CDH12: variants seen among roughly 807,000 people sequenced by gnomAD.
CDH12 encodes cadherin-12.
In CDH12, 41 loss-of-function variants were observed where a neutral mutation model predicts 74.1. The ratio of observed to expected loss-of-function variants is 0.55; its 90% CI spans 0.43 to 0.72. The LOEUF (loss-of-function observed/expected upper bound fraction) is 0.72. CDH12 is among the 30% of genes least tolerant of loss of function. The pLI is 0.00. For synonymous variants in CDH12, 399 were observed against 355.0 expected, an observed-to-expected ratio of 1.12 and a Z score of -1.39; for missense variants, 945 against 977.2, an observed-to-expected ratio of 0.97 and a Z score of 0.44.
At chr5:22,519,579 A>C (rs1268630707) in intron 1 of CDH12, among the ~76,000 whole-genome samples, 3 of 151,804 alleles carry the variant, frequency 2.0e-5, no homozygotes, top group African/African-American at 7.3e-5. Context: ...GCCCGTCACC[A>C]CACCCGGCTA....
In CDH12 at chr5:22,519,934, G is replaced by C. The variant is rs531906844; in HGVS notation, c.-522-14570C>G. Among the ~76,000 whole-genome samples, 12 of 152,230 alleles carry C rather than the reference G, an allele frequency of 7.9e-5. No homozygotes were observed. The East Asian group carries it at 2.1e-3, about 27-fold the overall frequency. On this transcript the variant is annotated intron_variant, in intron 1 of 14. Transcript: ENST00000382254. ...GCACCCTGTGTATATTGTAGAGGTA[G>C]CATATTCGTTCTTATAAAATAATAG...
intron 1 of CDH12, among the ~76,000 whole-genome samples, chr5:22,839,975 A>C (rs910070946): frequency 1.3e-5 from 2 of 152,232 alleles, no homozygotes; most frequent in Non-Finnish European, 2.9e-5. Context: ...GATTGAAACC[A>C]CAAAATTAGT....
intron 3 of CDH12, among the ~76,000 whole-genome samples, chr5:22,292,213 A>G (rs979396265): frequency 6.6e-6 from 1 of 152,178 alleles, no homozygotes; most frequent in African/African-American, 2.4e-5. Flanking sequence ...CAGGGATTAA[A>G]GAATTAATTA....
intron 2 of CDH12, among the ~76,000 whole-genome samples, chr5:22,438,024 T>G (rs1162273419): frequency 6.6e-6 from 1 of 152,062 alleles, no homozygotes; most frequent in Non-Finnish European, 1.5e-5. Flanking sequence ...CATAATTTTT[T>G]TAGGGAAGCA....
chr5:22,822,300 A>G (rs1749745267), intron 1 of CDH12, among the ~76,000 whole-genome samples: 3 of 152,208 alleles, frequency 2.0e-5, no homozygotes, highest in African/African-American at 7.2e-5. Flanking sequence ...CCTAGGCAAT[A>G]CCATTCAGGA....
At chr5:21,782,885 C>T (rs1745991181) in intron 11 of CDH12, among the ~76,000 whole-genome samples, 1 of 151,994 alleles carries the variant, frequency 6.6e-6, no homozygotes, top group African/African-American at 2.4e-5. Context: ...CTGTATATTC[C>T]ATAGTGATAG....
At chr5:21,854,011 T>A (rs1355340714) in intron 7 of CDH12, among the ~76,000 whole-genome samples, 1 of 151,714 alleles carries the variant, frequency 6.6e-6, no homozygotes, top group East Asian at 1.9e-4. Context: ...AGATATTGAT[T>A]GTTTAGAAAT....
chr5:22,703,397 C>G (rs1257242512), intron 1 of CDH12, among the ~76,000 whole-genome samples: 3 of 152,248 alleles, frequency 2.0e-5, no homozygotes, highest in South Asian at 2.1e-4. Context: ...CCTACACCAT[C>G]TGTATGACAT....
intron 2 of CDH12, among the ~76,000 whole-genome samples, chr5:22,469,554 TC>T (rs1745873071): frequency 1.3e-5 from 2 of 152,228 alleles, no homozygotes; most frequent in African/African-American, 4.8e-5. Flanking sequence ...TTAACTTGAC[TC>T]CTTTGCTCAA....
intron 6 of CDH12, among the ~76,000 whole-genome samples, chr5:21,872,727 A>G (rs1041618277): frequency 1.3e-5 from 2 of 152,134 alleles, no homozygotes; most frequent in African/African-American, 2.4e-5. Context: ...TACACCCTAC[A>G]TACCTAACAT....
intron 6 of CDH12, among the ~76,000 whole-genome samples, chr5:21,918,493 A>C (rs1394563632): frequency 6.6e-6 from 1 of 152,078 alleles, no homozygotes; most frequent in Non-Finnish European, 1.5e-5. Flanking sequence ...ACAGTTCAGC[A>C]CAGTTGGGGA....
chr5:21,859,332 T>C (rs1214319190), intron 6 of CDH12, among the ~76,000 whole-genome samples: 1 of 151,672 alleles, frequency 6.6e-6, no homozygotes, highest in Non-Finnish European at 1.5e-5. Flanking sequence ...GAAGAAGAAG[T>C]GTCAAGCAAA....
At chr5:22,066,751 G>C (rs1242231993) in intron 5 of CDH12, among the ~76,000 whole-genome samples, 1 of 152,168 alleles carries the variant, frequency 6.6e-6, no homozygotes, top group Admixed American at 6.5e-5. Flanking sequence ...GCTGAGATTA[G>C]TGCCATCACC....
intron 4 of CDH12, among the ~76,000 whole-genome samples, chr5:22,094,854 C>T (rs946115800): frequency 1.3e-5 from 2 of 152,156 alleles, no homozygotes; most frequent in Admixed American, 6.5e-5. Context: ...TACTGAGCAC[C>T]TTGTGACCCC....
At chr5:22,239,851 T>C (rs1003039651) in intron 3 of CDH12, among the ~76,000 whole-genome samples, 8 of 152,226 alleles carry the variant, frequency 5.3e-5, no homozygotes, top group African/African-American at 1.9e-4. Context: ...TCCTTTTTAT[T>C]AACCTTTTTA....
At chr5:22,332,666 G>C (rs1739398950) in intron 3 of CDH12, among the ~76,000 whole-genome samples, 2 of 152,090 alleles carry the variant, frequency 1.3e-5, no homozygotes, top group South Asian at 4.2e-4. Context: ...GATATGGACA[G>C]GGACTTCGCA....
intron 1 of CDH12, among the ~76,000 whole-genome samples, chr5:22,666,208 CTA>C (rs993336243): frequency 2.6e-5 from 4 of 151,738 alleles, no homozygotes; most frequent in African/African-American, 7.3e-5. Context: ...AAGTCACCAC[CTA>C]TGTCTAATCT....
chr5:22,494,130 T>C (rs1285902709), intron 2 of CDH12, among the ~76,000 whole-genome samples: 1 of 152,236 alleles, frequency 6.6e-6, no homozygotes, highest in Non-Finnish European at 1.5e-5. Flanking sequence ...AAAATACCTT[T>C]TGTTCGACAT....
intron 4 of CDH12, among the ~76,000 whole-genome samples, chr5:22,210,833 T>TA (rs34486582): frequency 0.017 from 2,503 of 144,360 alleles, 23 homozygotes; most frequent in South Asian, 0.036. Flanking sequence ...TCAAGTTGCT[T>TA]AAAAAAAAAA....
Sources: gnomAD v4.1 joint callset for allele counts (sites outside exome capture counted in the v4.1 genomes callset) on GRCh38, gnomAD v4.1.1 for gene constraint, MANE v1.5 for transcripts, NCBI Gene and HGNC (gene_info 2026-07-23, HGNC 2026-07-21) for gene names.